The following LRRC37A2 variants were observed in gnomAD, a reference collection of about 807,000 sequenced individuals.
LRRC37A2 encodes the protein leucine rich repeat containing 37 member A2, also known as leucine-rich repeat-containing protein 37A2.
Under a neutral mutation model 68.8 loss-of-function variants are expected in LRRC37A2, and 9 were observed. That is an observed-to-expected ratio of 0.13 (90% CI 0.08 to 0.23). The LOEUF is 0.23. Among genes scored for constraint, LRRC37A2 ranks in the 10% least tolerant of loss-of-function variants. The pLI is 1.00. For synonymous variants in LRRC37A2, 63 were observed against 367.6 expected, an observed-to-expected ratio of 0.17 and a Z score of 9.48; for missense variants, 168 against 950.4, an observed-to-expected ratio of 0.18 and a Z score of 10.82.
the LRRC37A2 span, among the ~76,000 whole-genome samples, chr17:46,745,489 C>T: frequency 6.6e-6 from 1 of 152,186 alleles, no homozygotes; most frequent in Non-Finnish European, 1.5e-5. Flanking sequence ...AATCTTTCAA[C>T]ACTTTGAAGA....
chr17:46,850,092 C>T, the LRRC37A2 span, among the ~76,000 whole-genome samples: 1 of 152,158 alleles, frequency 6.6e-6, no homozygotes, highest in African/African-American at 2.4e-5. Context: ...TCAGGTGATC[C>T]TCTCACCTCG....
chr17:47,009,012 T>C, the LRRC37A2 span, among the ~76,000 whole-genome samples: 5 of 152,138 alleles, frequency 3.3e-5, no homozygotes, highest in African/African-American at 1.2e-4. Context: ...AATTACACAT[T>C]TCTTTATTTT....
At chr17:46,993,708 G>C in the LRRC37A2 span, among the ~76,000 whole-genome samples, 1 of 152,226 alleles carries the variant, frequency 6.6e-6, no homozygotes, top group Non-Finnish European at 1.5e-5. Context: ...GGTTCCATCT[G>C]CGTAGAGAAA....
the LRRC37A2 span, among the ~76,000 whole-genome samples, chr17:46,418,215 T>TTGTGTGTG: frequency 1.9e-4 from 12 of 62,626 alleles, 1 homozygote; most frequent in Non-Finnish European, 3.4e-4. Flanking sequence ...GTGTGTGTGT[T>TTGTGTGTG]TGTGTGTGTG....
chr17:46,755,674 C>A, the LRRC37A2 span: 1 of 1,031,874 alleles, frequency 9.7e-7, no homozygotes, highest in Non-Finnish European at 1.4e-6. Context: ...CATCTAATAG[C>A]AAATGCATAG....
At chr17:46,893,050 C>T in the LRRC37A2 span, among the ~76,000 whole-genome samples, 1 of 152,158 alleles carries the variant, frequency 6.6e-6, no homozygotes, top group East Asian at 1.9e-4. Context: ...TCTTATGGCT[C>T]AGCCTCCTGG....
chr17:46,805,627 T>C, the LRRC37A2 span, among the ~76,000 whole-genome samples: 2 of 152,118 alleles, frequency 1.3e-5, no homozygotes, highest in South Asian at 4.2e-4. Context: ...GGTGCTTGCC[T>C]GTAGTCTTAG....
the LRRC37A2 span, chr17:46,922,867 G>T: frequency 4.4e-6 from 2 of 450,578 alleles, no homozygotes; most frequent in East Asian, 4.3e-5. Flanking sequence ...CTTCAACTTT[G>T]CTCTGAGGAC....
At chr17:46,872,422 C>T in the LRRC37A2 span, 1 of 1,393,118 alleles carries the variant, frequency 7.2e-7, no homozygotes, top group Non-Finnish European at 9.4e-7. Flanking sequence ...CCCAGAAGGG[C>T]AGTAAATGAA....
chr17:46,919,095 T>C, the LRRC37A2 span, among the ~76,000 whole-genome samples: 7 of 152,234 alleles, frequency 4.6e-5, no homozygotes, highest in African/African-American at 1.7e-4. Flanking sequence ...TTAAAGAGCT[T>C]CTATGGTAAG....
the LRRC37A2 span, chr17:47,021,953 G>C: frequency 5.4e-6 from 8 of 1,483,910 alleles, no homozygotes; most frequent in Non-Finnish European, 7.5e-6. Flanking sequence ...ATGACAAAAA[G>C]CTAACTGCAT....
the LRRC37A2 span, among the ~76,000 whole-genome samples, chr17:46,739,244 G>A: frequency 4.6e-5 from 7 of 151,924 alleles, no homozygotes; most frequent in East Asian, 1.9e-4. Context: ...GGTGACAGGC[G>A]TCTGTAGTCC....
the LRRC37A2 span, among the ~76,000 whole-genome samples, chr17:46,953,722 A>G: frequency 1.6e-3 from 243 of 152,272 alleles, no homozygotes; most frequent in African/African-American, 5.5e-3. Flanking sequence ...CTTTTTAATG[A>G]TCGCCATTCT....
At chr17:46,755,680 C>T in the LRRC37A2 span, 2 of 1,080,442 alleles carry the variant, frequency 1.9e-6, no homozygotes, top group Non-Finnish European at 1.3e-6. Flanking sequence ...ATAGCAAATG[C>T]ATAGTGGGAA....
chr17:46,771,893 TGCCCCCGCCCCC>T, the LRRC37A2 span, among the ~76,000 whole-genome samples: 1 of 103,330 alleles, frequency 9.7e-6, no homozygotes, highest in Admixed American at 8.3e-5. Context: ...CCCCCGCCCC[TGCCCCCGCCCCC>T]GCCTGGGGAA....
the LRRC37A2 span, among the ~76,000 whole-genome samples, chr17:46,772,215 C>G: frequency 6.6e-6 from 1 of 152,234 alleles, no homozygotes; most frequent in Admixed American, 6.5e-5. Context: ...CTCTCCTCGC[C>G]GCCGCCAGCA....
the LRRC37A2 span, chr17:46,773,537 A>C: frequency 1.1e-5 from 12 of 1,066,132 alleles, no homozygotes; most frequent in East Asian, 1.1e-4. Flanking sequence ...CAGTCATGCA[A>C]CCAAATTTAT....
At chr17:46,835,744 T>C in the LRRC37A2 span, among the ~76,000 whole-genome samples, 2 of 152,136 alleles carry the variant, frequency 1.3e-5, no homozygotes, top group Admixed American at 6.5e-5. Context: ...GGAGAATACA[T>C]CTCCTAATGC....
chr17:46,953,406 C>T, the LRRC37A2 span, among the ~76,000 whole-genome samples: 4 of 152,178 alleles, frequency 2.6e-5, no homozygotes, highest in African/African-American at 7.2e-5. Context: ...CATAGTATTC[C>T]GTGGTGTATA....
Sources: gnomAD v4.1 joint callset for allele counts (sites outside exome capture counted in the v4.1 genomes callset) on GRCh38, gnomAD v4.1.1 for gene constraint, MANE v1.5 for transcripts, NCBI Gene and HGNC (gene_info 2026-07-23, HGNC 2026-07-21) for gene names.